Variants in IL1RAPL1 observed in about 807,000 individuals in gnomAD.
IL1RAPL1 encodes the protein interleukin-1 receptor accessory protein-like 1.
A neutral mutation model predicts 48.4 loss-of-function variants in IL1RAPL1; 3 were observed. The ratio of observed to expected loss-of-function variants is 0.06; its 90% confidence interval spans 0.03 to 0.16. The LOEUF (loss-of-function observed/expected upper bound fraction) is 0.16. Ranked by LOEUF, IL1RAPL1 falls within the 10% of genes least tolerant of loss-of-function variation. The pLI, the probability that IL1RAPL1 is intolerant of heterozygous loss-of-function variation, is 1.00. For synonymous variants in IL1RAPL1, 185 were observed against 187.7 expected, an observed-to-expected ratio of 0.99 and a Z score of 0.12; for missense variants, 349 against 530.6, an observed-to-expected ratio of 0.66 and a Z score of 3.36.
chrX:28,891,902 T>C (rs1214789929), intron 2 of IL1RAPL1, among the ~76,000 whole-genome samples: 3 of 111,773 alleles, frequency 2.7e-5, no homozygotes, highest in Non-Finnish European at 1.9e-5. Flanking sequence ...TTTTTCATTA[T>C]GGCCATCCTA....
At chrX:28,669,304 G>C (rs1269540263) in intron 1 of IL1RAPL1, among the ~76,000 whole-genome samples, 1 of 110,884 alleles carries the variant, frequency 9.0e-6, no homozygotes, top group Non-Finnish European at 1.9e-5. Flanking sequence ...GGATGGTTCA[G>C]GTAGAACAAC....
At chrX:29,252,293 AAG>A (rs1931654029) in intron 2 of IL1RAPL1, among the ~76,000 whole-genome samples, 1 of 113,592 alleles carries the variant, frequency 8.8e-6, no homozygotes, top group East Asian at 2.7e-4. Context: ...GAAAAAAAAA[AAG>A]AAAATCAGGG....
intron 1 of IL1RAPL1, among the ~76,000 whole-genome samples, chrX:28,744,224 C>T (rs6630746): frequency 0.14 from 15,884 of 110,601 alleles, 2,370 homozygotes; most frequent in African/African-American, 0.44. Flanking sequence ...GCACCTATGA[C>T]GGAGAGATAG....
intron 2 of IL1RAPL1, among the ~76,000 whole-genome samples, chrX:29,179,353 T>A (rs896351886): frequency 9.0e-5 from 10 of 111,535 alleles, no homozygotes; most frequent in South Asian, 3.8e-4. Flanking sequence ...ATTCTCTTTG[T>A]AGCAATTGTG....
intron 7 of IL1RAPL1, among the ~76,000 whole-genome samples, chrX:29,918,144 AATATATATATATAT>A (rs748970921): frequency 4.2e-5 from 1 of 23,760 alleles, no homozygotes; most frequent in African/African-American, 2.4e-4. Flanking sequence ...AAAAAAAAAA[AATATATATATATAT>A]ATATATATAT....
rs777151362 is a variant in IL1RAPL1 at position 29,752,076 on chromosome X, GTATGTA to G, written c.778+83576_778+83581del. The stretch of plus-strand genomic sequence containing the variant: ...TATATATATATGTATATATATGTGT[GTATGTA>G]TATATATATATATATATATATACAC... On this transcript the variant is annotated intron_variant, in intron 6 of 10. Transcript: ENST00000378993. Among the ~76,000 whole-genome samples the G allele has an allele frequency of 3.7e-3, 335 of 89,458 alleles. 1 individual carries two copies. The highest frequency in any genetic ancestry group is 5.6e-3 in the Non-Finnish European group (262 of 47,101). The allele number at this position is 89,458 out of a possible 115,157, so 77.7% of individuals were successfully genotyped here.
intron 5 of IL1RAPL1, among the ~76,000 whole-genome samples, chrX:29,514,576 G>T (rs917537315): frequency 5.4e-5 from 6 of 111,972 alleles, no homozygotes; most frequent in Non-Finnish European, 9.4e-5. Context: ...AGCATCCCCA[G>T]TAGCTGGGAT....
chrX:28,789,172 G>T (rs1936506975), intron 1 of IL1RAPL1, 148 bp from the exon 2 acceptor site: 1 of 431,069 alleles, frequency 2.3e-6, no homozygotes, highest in Admixed American at 4.0e-5. Context: ...CAACATATGG[G>T]AAAATATAAT....
chrX:29,775,629 G>A (rs1388778737), intron 6 of IL1RAPL1, among the ~76,000 whole-genome samples: 1 of 111,155 alleles, frequency 9.0e-6, no homozygotes, highest in Non-Finnish European at 1.9e-5. Flanking sequence ...AGCACAGAAT[G>A]AGACCTCATG....
At chrX:29,518,454 G>A (rs757835057) in intron 5 of IL1RAPL1, among the ~76,000 whole-genome samples, 6 of 110,841 alleles carry the variant, frequency 5.4e-5, no homozygotes, top group East Asian at 2.8e-4. Flanking sequence ...GGGGTCGAGC[G>A]TGGAGAGTGG....
chrX:29,788,431 A>G (rs1181603932), intron 6 of IL1RAPL1, among the ~76,000 whole-genome samples: 1 of 112,027 alleles, frequency 8.9e-6, no homozygotes, highest in African/African-American at 3.2e-5. Context: ...CATCAAGGTC[A>G]TGAAGCAACA....
At chrX:29,915,441 C>T (rs947194410) in intron 6 of IL1RAPL1, among the ~76,000 whole-genome samples, 7 of 111,899 alleles carry the variant, frequency 6.3e-5, no homozygotes, top group African/African-American at 1.9e-4. Flanking sequence ...TCTTAAACAA[C>T]GAACATAAGA....
At chrX:29,331,677 A>G (rs1055615390) in intron 3 of IL1RAPL1, among the ~76,000 whole-genome samples, 2 of 112,169 alleles carry the variant, frequency 1.8e-5, no homozygotes, top group African/African-American at 6.5e-5. Context: ...CCTAGTTCCA[A>G]CTTCAATTTT....
At chrX:29,911,187 A>T (rs1187689247) in intron 6 of IL1RAPL1, among the ~76,000 whole-genome samples, 1 of 112,066 alleles carries the variant, frequency 8.9e-6, no homozygotes, top group Non-Finnish European at 1.9e-5. Context: ...GATACATGCT[A>T]TATAACATGA....
chrX:29,245,971 T>A (rs1252914912), intron 2 of IL1RAPL1, among the ~76,000 whole-genome samples: 4 of 110,914 alleles, frequency 3.6e-5, no homozygotes, highest in Admixed American at 1.9e-4. Flanking sequence ...TTAGCCCTCA[T>A]AGAATTCTTC....
chrX:28,686,145 C>A (rs1415764365), intron 1 of IL1RAPL1, among the ~76,000 whole-genome samples: 1 of 111,851 alleles, frequency 8.9e-6, no homozygotes, highest in Non-Finnish European at 1.9e-5. Context: ...TTTTTCTATC[C>A]ATATATCAAC....
chrX:29,404,257 CT>C (rs1934028229), intron 5 of IL1RAPL1, among the ~76,000 whole-genome samples: 1 of 111,947 alleles, frequency 8.9e-6, no homozygotes, highest in East Asian at 2.8e-4. Flanking sequence ...AACAACTGAT[CT>C]TTTTACCATA....
At chrX:29,740,143 AAGCAGC>A (rs1315969274) in intron 6 of IL1RAPL1, among the ~76,000 whole-genome samples, 13 of 104,994 alleles carry the variant, frequency 1.2e-4, no homozygotes, top group East Asian at 5.9e-4. Context: ...AAAAAAAAAG[AAGCAGC>A]AGCAGCAGCA....
At chrX:29,231,158 CTG>C (rs904387275) in intron 2 of IL1RAPL1, among the ~76,000 whole-genome samples, 3 of 111,631 alleles carry the variant, frequency 2.7e-5, no homozygotes, top group African/African-American at 9.8e-5. Flanking sequence ...GGTGGCTGCT[CTG>C]TGCAGTTGCT....
Sources: allele counts gnomAD v4.1 joint callset (sites outside exome capture counted in the v4.1 genomes callset), GRCh38; gene constraint gnomAD v4.1.1; transcripts MANE v1.5; gene names NCBI Gene and HGNC (gene_info 2026-07-23, HGNC 2026-07-21).